Variants in CNTN5 observed in about 807,000 individuals in gnomAD.
The protein encoded by CNTN5 is contactin-5.
In CNTN5, 77 loss-of-function variants were observed where a neutral mutation model predicts 129.1. The ratio of observed to expected loss-of-function variants is 0.60; its 90% CI spans 0.50 to 0.72. The LOEUF (loss-of-function observed/expected upper bound fraction) is 0.72, where lower values mean the gene tolerates loss of function less well. CNTN5 is among the 30% of genes least tolerant of loss of function. The probability of loss-of-function intolerance (pLI) is 0.00; values close to 1 mark genes in which losing one functional copy is unlikely to be tolerated. For missense variants in CNTN5, 1,478 were observed against 1,328.8 expected (o/e 1.11, Z -1.75); for synonymous variants, 509 against 465.6 (o/e 1.09, Z -1.20).
At chr11:99,404,205 G>T (rs1350238276) in intron 2 of CNTN5, among the ~76,000 whole-genome samples, 6 of 151,314 alleles carry the variant, frequency 4.0e-5, no homozygotes, top group African/African-American at 7.3e-5. Context: ...TATTGTCATG[G>T]AATTTATTTT....
chr11:99,025,006 A>C (rs776182502), intron 1 of CNTN5, among the ~76,000 whole-genome samples: 1 of 151,986 alleles, frequency 6.6e-6, no homozygotes, highest in Non-Finnish European at 1.5e-5. Context: ...TCTTTTTCTA[A>C]GTGGTTCTTA....
At chr11:99,235,748 T>G (rs1041806960) in intron 1 of CNTN5, among the ~76,000 whole-genome samples, 1 of 152,210 alleles carries the variant, frequency 6.6e-6, no homozygotes, top group African/African-American at 2.4e-5. Flanking sequence ...AGATTTTGTT[T>G]CTACTGAATT....
chr11:99,720,759 G>A (rs1943145075), intron 3 of CNTN5, among the ~76,000 whole-genome samples: 2 of 152,020 alleles, frequency 1.3e-5, no homozygotes, highest in African/African-American at 2.4e-5. Context: ...CAGTAGTCTT[G>A]GACAAAAGCT....
intron 9 of CNTN5, among the ~76,000 whole-genome samples, chr11:100,051,534 T>G (rs1295978703): frequency 6.6e-6 from 1 of 151,838 alleles, no homozygotes; most frequent in Non-Finnish European, 1.5e-5. Context: ...AATTCAAAAT[T>G]TAATGATCTA....
intron 9 of CNTN5, among the ~76,000 whole-genome samples, chr11:100,060,971 G>A (rs991082576): frequency 1.2e-5 from 1 of 81,496 alleles, no homozygotes; most frequent in Admixed American, 1.2e-4. Flanking sequence ...ATCATAATTG[G>A]TTACAACTTA....
chr11:99,118,094 GTA>G, intron 1 of CNTN5, among the ~76,000 whole-genome samples: 1 of 152,030 alleles, frequency 6.6e-6, no homozygotes, highest in East Asian at 1.9e-4. Flanking sequence ...TATTCTGTTA[GTA>G]TATACATAGG....
chr11:99,583,875 C>A (rs1266175481), intron 3 of CNTN5, among the ~76,000 whole-genome samples: 1 of 152,100 alleles, frequency 6.6e-6, no homozygotes, highest in Non-Finnish European at 1.5e-5. Context: ...GAACTCGGTA[C>A]CTCAGTTGGA....
chr11:99,420,058 A>C (rs1027087058), intron 2 of CNTN5, among the ~76,000 whole-genome samples: 1 of 152,034 alleles, frequency 6.6e-6, no homozygotes, highest in Non-Finnish European at 1.5e-5. Flanking sequence ...TGCTGGGGAA[A>C]CAGACATGTC....
At chr11:99,832,401 T>G (rs1196974507) in intron 4 of CNTN5, among the ~76,000 whole-genome samples, 1 of 152,136 alleles carries the variant, frequency 6.6e-6, no homozygotes, top group Non-Finnish European at 1.5e-5. Flanking sequence ...TGACCTCTCT[T>G]TTATATCTGT....
chr11:99,077,620 G>A (rs1234330489), intron 1 of CNTN5, among the ~76,000 whole-genome samples: 1 of 152,122 alleles, frequency 6.6e-6, no homozygotes, highest in Non-Finnish European at 1.5e-5. Flanking sequence ...TAGGCTTTGT[G>A]TCCCCATCCG....
At chr11:99,174,550 C>G (rs1341765542) in intron 1 of CNTN5, among the ~76,000 whole-genome samples, 1 of 152,100 alleles carries the variant, frequency 6.6e-6, no homozygotes, top group East Asian at 1.9e-4. Flanking sequence ...CTTTATCATA[C>G]CCCATAGACT....
chr11:99,216,980 C>G (rs973706232), intron 1 of CNTN5, among the ~76,000 whole-genome samples: 1 of 152,000 alleles, frequency 6.6e-6, no homozygotes, highest in Non-Finnish European at 1.5e-5. Flanking sequence ...GTCAAGAAAT[C>G]GAGACCATCC....
intron 3 of CNTN5, among the ~76,000 whole-genome samples, chr11:99,788,070 A>G (rs1945601183): frequency 6.6e-6 from 1 of 151,958 alleles, no homozygotes; most frequent in Non-Finnish European, 1.5e-5. Context: ...CATGATCAAA[A>G]GAATACAAAA....
intron 2 of CNTN5, among the ~76,000 whole-genome samples, chr11:99,415,160 G>A (rs993529556): frequency 3.3e-5 from 5 of 152,060 alleles, no homozygotes; most frequent in African/African-American, 1.2e-4. Flanking sequence ...ACAAAAAGGA[G>A]GTTAACAGGA....
intron 9 of CNTN5, among the ~76,000 whole-genome samples, chr11:100,011,516 C>T (rs79020125): frequency 0.037 from 5,668 of 152,194 alleles, 123 homozygotes; most frequent in African/African-American, 0.055. Flanking sequence ...CAGATCTGCT[C>T]TGCTCAAAAG....
At chr11:100,323,019 A>G (rs1187693486) in intron 21 of CNTN5, among the ~76,000 whole-genome samples, 1 of 152,226 alleles carries the variant, frequency 6.6e-6, no homozygotes, top group Non-Finnish European at 1.5e-5. Flanking sequence ...TGTTTCACAG[A>G]ACATATCTCA....
intron 3 of CNTN5, among the ~76,000 whole-genome samples, chr11:99,639,598 CT>C (rs1373440776): frequency 3.7e-5 from 1 of 26,850 alleles, no homozygotes; most frequent in East Asian, 8.7e-4. Context: ...GGAGTTTTAT[CT>C]TGCTTCCCAG....
chr11:99,655,330 A>C (rs1218878635), intron 3 of CNTN5, among the ~76,000 whole-genome samples: 1 of 152,154 alleles, frequency 6.6e-6, no homozygotes, highest in Non-Finnish European at 1.5e-5. Context: ...GAAGTGGTCC[A>C]AAGTACAGCC....
At chr11:100,081,395 A>T (rs1478451359) in intron 13 of CNTN5, among the ~76,000 whole-genome samples, 1 of 152,178 alleles carries the variant, frequency 6.6e-6, no homozygotes, top group Non-Finnish European at 1.5e-5. Context: ...TTAAGAAACC[A>T]GCAGAGGAAA....
Sources: allele counts gnomAD v4.1 joint callset (sites outside exome capture counted in the v4.1 genomes callset), GRCh38; gene constraint gnomAD v4.1.1; transcripts MANE v1.5; gene names NCBI Gene and HGNC (gene_info 2026-07-23, HGNC 2026-07-21).